The following GABRG1 variants were observed in gnomAD, a reference collection of about 807,000 sequenced individuals.
GABRG1 encodes gamma-aminobutyric acid receptor subunit gamma-1.
Under a neutral mutation model 49.8 loss-of-function variants are expected in GABRG1, and 49 were observed. The ratio of observed to expected loss-of-function variants is 0.98; its 90% CI spans 0.78 to 1.25. The LOEUF is 1.25. Among genes scored for constraint, GABRG1 ranks in the 50% most tolerant of loss-of-function variants. The probability of loss-of-function intolerance (pLI) is 0.00; values close to 1 mark genes in which losing one functional copy is unlikely to be tolerated. For synonymous variants in GABRG1, 232 were observed against 185.1 expected, an observed-to-expected ratio of 1.25 and a Z score of -2.06; for missense variants, 552 against 552.3, an observed-to-expected ratio of 1.00 and a Z score of 0.01.
chr4:46,050,396 T>G (rs938375253), intron 8 of GABRG1, among the ~76,000 whole-genome samples: 1 of 151,548 alleles, frequency 6.6e-6, no homozygotes, highest in East Asian at 1.9e-4. Context: ...AAGAAACCAA[T>G]GAAAAAAGAT....
At chr4:46,105,362 C>G (rs1720499798) in intron 1 of GABRG1, among the ~76,000 whole-genome samples, 1 of 151,438 alleles carries the variant, frequency 6.6e-6, no homozygotes, top group Non-Finnish European at 1.5e-5. Flanking sequence ...TTTGCTGAGG[C>G]TGATGGAAGA....
intron 8 of GABRG1, among the ~76,000 whole-genome samples, chr4:46,046,322 G>A (rs759244827): frequency 6.6e-6 from 1 of 152,000 alleles, no homozygotes; most frequent in Non-Finnish European, 1.5e-5. Context: ...AGAGCTGTTG[G>A]TGGTGGTATC....
intron 1 of GABRG1, among the ~76,000 whole-genome samples, chr4:46,101,782 A>G (rs146814926): frequency 3.3e-5 from 5 of 151,860 alleles, no homozygotes; most frequent in African/African-American, 1.2e-4. Context: ...AAAAGTACAC[A>G]TCTATTGCTT....
chr4:46,041,316 G>C, intron 8 of GABRG1, 62 bp from the exon 9 acceptor site: 1 of 1,538,018 alleles, frequency 6.5e-7, no homozygotes, highest in South Asian at 1.2e-5. Flanking sequence ...AGATCAATTT[G>C]CTCCTTTAAC....
intron 1 of GABRG1, among the ~76,000 whole-genome samples, chr4:46,098,690 G>C (rs1720273689): frequency 6.6e-6 from 1 of 151,632 alleles, no homozygotes; most frequent in Non-Finnish European, 1.5e-5. Context: ...TACTGCTTTT[G>C]ATTGCCACCT....
In GABRG1 at chr4:46,096,180, T is replaced by C. The variant is rs183051262; in HGVS notation, c.253+1021A>G. Reference sequence around the variant, plus strand: ...TGGTGTTAAACAAATTTACAAATATTACATGTTGTGACAAAGCAGAAAATA... The same window carrying C: ...TGGTGTTAAACAAATTTACAAATATCACATGTTGTGACAAAGCAGAAAATA... On this transcript the variant is annotated intron_variant, in intron 2 of 8. Transcript: ENST00000295452. Among the ~76,000 whole-genome samples, 3 of 151,480 alleles carry C rather than the reference T, an allele frequency of 2.0e-5. No individual in the cohort carries two copies. The Admixed American group carries it at 2.0e-4, about 10-fold the overall frequency.
intron 1 of GABRG1, among the ~76,000 whole-genome samples, chr4:46,107,881 G>T (rs1021625844): frequency 1.0e-4 from 15 of 150,732 alleles, no homozygotes. Context: ...GTGACATAAC[G>T]ACTATAAAAA....
intron 8 of GABRG1, among the ~76,000 whole-genome samples, chr4:46,044,200 C>T (rs191067131): frequency 6.6e-6 from 1 of 152,174 alleles, no homozygotes; most frequent in African/African-American, 2.4e-5. Context: ...AGGCTGGGCA[C>T]GTTGGCTCAC....
rs184497238 is a variant in GABRG1, at chr4:46,058,607, T to C, written c.641A>G (p.Asn214Ser). The C allele has an allele frequency of 6.2e-7, 1 of 1,612,000 alleles. No homozygotes were observed. The highest frequency in any genetic ancestry group is 8.5e-7 in the Non-Finnish European group (1 of 1,178,724). The change falls in exon 6 of 9, where the codon AAT becomes AGT. Residue 214 changes from asparagine to serine, a missense_variant. Coordinates refer to ENST00000295452, the MANE Select transcript of GABRG1 (RefSeq NM_173536.4). ...LEFSSYGYPK[N>S]EIEYKWKKPS... is the part of the protein sequence containing the mutation. The stretch of plus-strand genomic sequence containing the variant: ...CTTTTTCCACTTATACTCAATTTCA[T>C]TTTTAGGGTATCCATCTATAGAGAA...
chr4:46,099,793 C>T (rs1355994512), intron 1 of GABRG1, among the ~76,000 whole-genome samples: 1 of 151,584 alleles, frequency 6.6e-6, no homozygotes, highest in Middle Eastern at 3.2e-3. Flanking sequence ...GACCCTAAAA[C>T]CCATGGTCCT....
chr4:46,083,882 C>T, intron 3 of GABRG1, 104 bp downstream of exon 3: 1 of 705,620 alleles, frequency 1.4e-6, no homozygotes, highest in Middle Eastern at 3.6e-4. Context: ...GATCTGAATT[C>T]ATTCAGAATT....
chr4:46,065,008 C>A (rs1030013201), intron 4 of GABRG1, among the ~76,000 whole-genome samples: 2 of 152,076 alleles, frequency 1.3e-5, no homozygotes, highest in South Asian at 4.1e-4. Context: ...TGTTTTACTA[C>A]ACCATTGAAA....
At chr4:46,046,885 G>T (rs1319818633) in intron 8 of GABRG1, among the ~76,000 whole-genome samples, 1 of 152,010 alleles carries the variant, frequency 6.6e-6, no homozygotes, top group Non-Finnish European at 1.5e-5. Flanking sequence ...GCTTAAAAAC[G>T]TGTATAACTT....
chr4:46,058,081 C>T, intron 7 of GABRG1, 136 bp downstream of exon 7: 1 of 675,512 alleles, frequency 1.5e-6, no homozygotes, highest in Non-Finnish European at 2.4e-6. Context: ...ATGGTATTGT[C>T]CCTTAGTTCC....
At position 46,048,738 on chromosome 4, in the gene GABRG1, A is replaced by T. The variant is rs186939107; in HGVS notation, c.1131+2686T>A. On this transcript the variant is annotated intron_variant, in intron 8 of 8. Transcript: ENST00000295452. The stretch of plus-strand genomic sequence containing the variant: ...AAAATAGAAAGCGAGCAAAAAAGAC[A>T]AATGAAAGAAAGAGAATGAAAGAAA... Among the ~76,000 whole-genome samples the T allele has an allele frequency of 3.4e-4, 51 of 151,898 alleles. 1 individual carries two copies. The highest frequency in any genetic ancestry group is 6.5e-4 in the Non-Finnish European group (44 of 67,896).
intron 7 of GABRG1, among the ~76,000 whole-genome samples, chr4:46,057,417 C>A (rs1054390394): frequency 4.6e-5 from 7 of 152,016 alleles, no homozygotes; most frequent in African/African-American, 1.7e-4. Flanking sequence ...CAATTATGAG[C>A]AGTGTGATTC....
At chr4:46,052,392 AT>A (rs1718263319) in intron 7 of GABRG1, among the ~76,000 whole-genome samples, 1 of 151,834 alleles carries the variant, frequency 6.6e-6, no homozygotes, top group Non-Finnish European at 1.5e-5. Flanking sequence ...AGTTAAACCC[AT>A]TTTTTAATCT....
intron 7 of GABRG1, among the ~76,000 whole-genome samples, chr4:46,056,471 T>C (rs983683396): frequency 6.6e-6 from 1 of 152,038 alleles, no homozygotes; most frequent in South Asian, 2.1e-4. Flanking sequence ...GAGGTATCTA[T>C]TGAGACTCCA....
Position 46,114,760 on chromosome 4 carries a change from A to G in GABRG1, c.104+9050T>C, listed in dbSNP as rs145379950. ...AACTGTGGTCCTTAATTTAAAAATT[A>G]TGGTAGATAACCTAACATAAAGCTA... is the stretch of plus-strand genomic sequence containing the variant. On this transcript the variant is annotated intron_variant, in intron 1 of 8. Coordinates refer to ENST00000295452, the MANE Select transcript of GABRG1 (RefSeq NM_173536.4). Among the ~76,000 whole-genome samples the G allele has an allele frequency of 6.1e-4, 92 of 151,196 alleles. No homozygotes were observed. In the Middle Eastern group the frequency reaches 0.014, roughly 22 times the overall value.
Sources: gnomAD v4.1 joint callset for allele counts (sites outside exome capture counted in the v4.1 genomes callset) on GRCh38, gnomAD v4.1.1 for gene constraint, MANE v1.5 for transcripts, NCBI Gene and HGNC (gene_info 2026-07-23, HGNC 2026-07-21) for gene names.